Variants in SLC35F1 observed in about 807,000 individuals in gnomAD.
The protein encoded by SLC35F1 is chromosome 6 open reading frame 169.
A neutral mutation model predicts 48.7 loss-of-function variants in SLC35F1; 14 were observed. The observed-to-expected ratio is 0.29, with a 90% CI of 0.19 to 0.45. The LOEUF is 0.45. Among genes scored for constraint, SLC35F1 ranks in the 20% least tolerant of loss-of-function variants. The pLI, the probability that SLC35F1 is intolerant of heterozygous loss-of-function variation, is 1.00. For synonymous variants in SLC35F1, 190 were observed against 202.2 expected (o/e 0.94, Z 0.51); for missense variants, 404 against 500.0 (o/e 0.81, Z 1.83).
intron 1 of SLC35F1, among the ~76,000 whole-genome samples, chr6:117,951,012 A>G (rs994889990): frequency 6.6e-6 from 1 of 152,230 alleles, no homozygotes; most frequent in Non-Finnish European, 1.5e-5. Context: ...GTACAACTGA[A>G]TGAATTACTT....
chr6:118,244,830 C>A (rs1775486416), intron 3 of SLC35F1, among the ~76,000 whole-genome samples: 1 of 152,146 alleles, frequency 6.6e-6, no homozygotes, highest in African/African-American at 2.4e-5. Flanking sequence ...TCTTTGTTTC[C>A]TTCACAGTAT....
intron 1 of SLC35F1, among the ~76,000 whole-genome samples, chr6:118,043,701 T>C (rs1025125580): frequency 2.0e-5 from 3 of 152,086 alleles, no homozygotes; most frequent in African/African-American, 7.2e-5. Flanking sequence ...TCACACTCAA[T>C]CCTCTTTAAA....
intron 1 of SLC35F1, among the ~76,000 whole-genome samples, chr6:117,967,868 T>A (rs1419813490): frequency 6.6e-6 from 1 of 152,194 alleles, no homozygotes; most frequent in Non-Finnish European, 1.5e-5. Flanking sequence ...TTTTTCTTTG[T>A]TTCAGAAACT....
chr6:118,233,727 G>T (rs1414715382), intron 2 of SLC35F1, among the ~76,000 whole-genome samples: 1 of 152,188 alleles, frequency 6.6e-6, no homozygotes, highest in African/African-American at 2.4e-5. Context: ...AGATGGATGT[G>T]CATTACCCAG....
At chr6:117,966,890 G>A (rs1471814381) in intron 1 of SLC35F1, among the ~76,000 whole-genome samples, 1 of 152,180 alleles carries the variant, frequency 6.6e-6, no homozygotes, top group Non-Finnish European at 1.5e-5. Flanking sequence ...ACTTCAACAT[G>A]TGAATTGTGG....
At chr6:117,929,019 G>A (rs1776065338) in intron 1 of SLC35F1, among the ~76,000 whole-genome samples, 1 of 151,906 alleles carries the variant, frequency 6.6e-6, no homozygotes, top group Non-Finnish European at 1.5e-5. Context: ...CTTCCAGATA[G>A]TATGAAGGAA....
intron 1 of SLC35F1, among the ~76,000 whole-genome samples, chr6:117,923,713 A>ATG (rs1562238892): frequency 1.2e-4 from 4 of 33,738 alleles, no homozygotes; most frequent in East Asian, 8.0e-4. Context: ...ATATGTACAT[A>ATG]TATACATATA....
chr6:118,134,860 C>G (rs2114429782), intron 1 of SLC35F1, among the ~76,000 whole-genome samples: 1 of 152,348 alleles, frequency 6.6e-6, no homozygotes, highest in South Asian at 2.1e-4. Flanking sequence ...GTCTGGCCTG[C>G]TGCCTCCTCC....
chr6:118,049,096 A>C lies in SLC35F1; in HGVS notation c.174-105349A>C, dbSNP rs189445985. Among the ~76,000 whole-genome samples the C allele has an allele frequency of 5.6e-3, 847 of 152,314 alleles. 2 individuals carry two copies. Among genetic ancestry groups the C allele is most frequent in the Middle Eastern group, 0.031 (9 of 294 alleles). On this transcript the variant is annotated intron_variant, in intron 1 of 7. Coordinates refer to ENST00000360388, the MANE Select transcript of SLC35F1 (RefSeq NM_001029858.4). Reference sequence around the variant, plus strand: ...CCATCTGATCTTTGACAAACCTGACAAAAACAAGCAATGGGGAAAGGATTC... The same window carrying C: ...CCATCTGATCTTTGACAAACCTGACCAAAACAAGCAATGGGGAAAGGATTC...
chr6:118,154,693 C>T lies in SLC35F1; in HGVS notation c.349+73C>T, dbSNP rs17079793. On this transcript the variant is annotated intron_variant, in intron 2 of 7. Transcript: ENST00000360388. ...AAAAAGATGAGCCATGACCAGATAA[C>T]GTTTTGTCACTTAAGCATCAGTTAA... The T allele has an allele frequency of 1.7e-3, 2,320 of 1,400,670 alleles. 39 individuals are homozygous for T. The African/African-American group carries it at 0.03, about 18-fold the overall frequency. The allele number at this position is 1,400,670 out of a possible 1,614,324, so 86.8% of individuals were successfully genotyped here. A position where few individuals can be genotyped will look rare whatever the true frequency, so the allele number is the denominator to read the frequency against.
chr6:118,298,252 A>G (rs1226807411), intron 7 of SLC35F1, among the ~76,000 whole-genome samples: 1 of 152,214 alleles, frequency 6.6e-6, no homozygotes, highest in Non-Finnish European at 1.5e-5. Context: ...CTTTTTCAAT[A>G]TCGTGAGTCA....
In SLC35F1 at chr6:118,154,448, G is replaced by A. The variant is rs367620584; in HGVS notation, c.177G>A (p.Glu59=). Residue 59 remains glutamate, a synonymous_variant, in exon 2 of 8, where the codon GAG becomes GAA. Transcript: ENST00000360388. ...TTTTTTTTCCTTTATTTCTCAGGGAGATGTTAATCTCTGTGGCCCTAGGCC... is the reference window on the plus strand; with the variant it reads ...TTTTTTTTCCTTTATTTCTCAGGGAAATGTTAATCTCTGTGGCCCTAGGCC... ...RQRIRKVLNR[E]MLISVALGQV... 9 of 1,599,244 alleles carry A rather than the reference G, an allele frequency of 5.6e-6. No homozygotes were observed. The African/African-American group carries it at 9.4e-5, about 17-fold the overall frequency.
chr6:118,072,102 C>A (rs1025729947), intron 1 of SLC35F1, among the ~76,000 whole-genome samples: 7 of 152,180 alleles, frequency 4.6e-5, no homozygotes, highest in Admixed American at 1.3e-4. Flanking sequence ...TTGCATTTTA[C>A]ATGTTTTTAT....
intron 1 of SLC35F1, among the ~76,000 whole-genome samples, chr6:118,087,520 C>T (rs1264293614): frequency 6.6e-6 from 1 of 152,046 alleles, no homozygotes; most frequent in Admixed American, 6.6e-5. Flanking sequence ...TTTGTTTAGC[C>T]TCTTTACCTT....
At chr6:117,970,417 A>G (rs1776623668) in intron 1 of SLC35F1, among the ~76,000 whole-genome samples, 1 of 152,222 alleles carries the variant, frequency 6.6e-6, no homozygotes, top group South Asian at 2.1e-4. Flanking sequence ...ATAGACAGGT[A>G]TGACCTTGAA....
At chr6:118,084,500 G>A (rs1344816977) in intron 1 of SLC35F1, among the ~76,000 whole-genome samples, 1 of 152,100 alleles carries the variant, frequency 6.6e-6, no homozygotes, top group African/African-American at 2.4e-5. Context: ...AAGAGATACA[G>A]AATAATTTCA....
intron 1 of SLC35F1, among the ~76,000 whole-genome samples, chr6:118,015,519 C>T (rs1026641832): frequency 6.6e-6 from 1 of 151,678 alleles, no homozygotes; most frequent in African/African-American, 2.4e-5. Context: ...TCATTTAGCT[C>T]CCACAGAGAA....
At chr6:117,964,901 T>C (rs1020098083) in intron 1 of SLC35F1, among the ~76,000 whole-genome samples, 2 of 152,118 alleles carry the variant, frequency 1.3e-5, no homozygotes, top group African/African-American at 4.8e-5. Flanking sequence ...TGACTAAAGT[T>C]AGGGGTTCAT....
chr6:118,310,830 G>A (rs62421496), intron 7 of SLC35F1, among the ~76,000 whole-genome samples: 1,944 of 152,226 alleles, frequency 0.013, 24 homozygotes, highest in Non-Finnish European at 0.017. Flanking sequence ...GGAATTTCTC[G>A]CTCAACCTGA....
Sources: allele counts gnomAD v4.1 joint callset (sites outside exome capture counted in the v4.1 genomes callset), GRCh38; gene constraint gnomAD v4.1.1; transcripts MANE v1.5; gene names NCBI Gene and HGNC (gene_info 2026-07-23, HGNC 2026-07-21).